Variants in PDLIM5 observed in about 807,000 individuals in gnomAD.
PDLIM5 encodes PDZ and LIM domain 5.
In PDLIM5, 34 loss-of-function variants were observed where a neutral mutation model predicts 64.2. The ratio of observed to expected loss-of-function variants is 0.53; its 90% confidence interval spans 0.40 to 0.71. PDLIM5 has a LOEUF of 0.71. Ranked by LOEUF, PDLIM5 falls within the 30% of genes least tolerant of loss-of-function variation. The probability of loss-of-function intolerance (pLI) is 0.00; values close to 1 mark genes in which losing one functional copy is unlikely to be tolerated. For missense variants in PDLIM5, 683 were observed against 733.6 expected, an observed-to-expected ratio of 0.93 and a Z score of 0.80; for synonymous variants, 253 against 269.1, an observed-to-expected ratio of 0.94 and a Z score of 0.59.
intron 3 of PDLIM5, among the ~76,000 whole-genome samples, chr4:94,550,171 T>C (rs918584170): frequency 6.6e-6 from 1 of 152,144 alleles, no homozygotes; most frequent in African/African-American, 2.4e-5. Flanking sequence ...GTTTGCTCAC[T>C]TTATAAGGTT....
intron 2 of PDLIM5, among the ~76,000 whole-genome samples, chr4:94,516,300 C>T (rs1729352883): frequency 6.6e-6 from 1 of 152,122 alleles, no homozygotes; most frequent in South Asian, 2.1e-4. Flanking sequence ...TCATTGCTAC[C>T]ATATAAGGTG....
intron 4 of PDLIM5, 123 bp downstream of exon 4, chr4:94,573,516 T>A: frequency 2.4e-6 from 2 of 848,758 alleles, no homozygotes; most frequent in Non-Finnish European, 4.1e-6. Context: ...ACAATTTTCC[T>A]TGTAGTTCTT....
At chr4:94,609,377 C>T (rs1157270751) in intron 7 of PDLIM5, among the ~76,000 whole-genome samples, 2 of 152,074 alleles carry the variant, frequency 1.3e-5, no homozygotes, top group African/African-American at 2.4e-5. Flanking sequence ...ATGTTCATTC[C>T]TGTCCAGGCA....
At position 94,453,544 on chromosome 4, in the gene PDLIM5, G is replaced by A. The variant is rs1229675670; in HGVS notation, c.-43+1549G>A. 2.0e-5 allele frequency among the ~76,000 whole-genome samples: 3 copies of A among 152,134 alleles called. No individual in the cohort carries two copies. In the East Asian group the frequency reaches 5.8e-4, roughly 29 times the overall value. On this transcript the variant is annotated intron_variant, in intron 1 of 12. Transcript: ENST00000317968. ...ATACATTTTCTTGTAGGGAAGAATGGGGCCAGAGGAAGTTGAGCCCAACTT... is the reference window on the plus strand; with the variant it reads ...ATACATTTTCTTGTAGGGAAGAATGAGGCCAGAGGAAGTTGAGCCCAACTT...
At chr4:94,610,261 A>C (rs937312635) in intron 7 of PDLIM5, 1 of 1,522,442 alleles carries the variant, frequency 6.6e-7, no homozygotes, top group Admixed American at 2.0e-5. Context: ...AGTTCTGAGC[A>C]GCGCAGCTGC....
At chr4:94,498,774 C>T (rs183773039) in intron 2 of PDLIM5, among the ~76,000 whole-genome samples, 3 of 152,280 alleles carry the variant, frequency 2.0e-5, no homozygotes, top group Admixed American at 6.5e-5. Context: ...TTTTTCTCCT[C>T]CTCTCACATT....
chr4:94,467,750 C>T (rs1724503350), intron 2 of PDLIM5, among the ~76,000 whole-genome samples: 1 of 152,168 alleles, frequency 6.6e-6, no homozygotes, highest in African/African-American at 2.4e-5. Context: ...ATGTGTCAGC[C>T]AGGATTTGTT....
intron 2 of PDLIM5, among the ~76,000 whole-genome samples, chr4:94,489,266 G>A (rs547054531): frequency 6.6e-6 from 1 of 152,274 alleles, no homozygotes; most frequent in South Asian, 2.1e-4. Context: ...GGAATACTTT[G>A]TCCCTGGTTC....
At chr4:94,506,450 G>T (rs1728406095) in intron 2 of PDLIM5, among the ~76,000 whole-genome samples, 1 of 152,156 alleles carries the variant, frequency 6.6e-6, no homozygotes, top group Admixed American at 6.5e-5. Flanking sequence ...GTCTCATGAA[G>T]GCTCACTTTG....
intron 8 of PDLIM5, among the ~76,000 whole-genome samples, chr4:94,630,370 T>C (rs1177150220): frequency 6.6e-6 from 1 of 152,072 alleles, no homozygotes; most frequent in Non-Finnish European, 1.5e-5. Context: ...CATTGATTGA[T>C]ATATATATGT....
In PDLIM5 at chr4:94,483,806, T is replaced by C. The variant is rs187791872; in HGVS notation, c.96+28422T>C. ...TTTAAAGTTAAAATTCATACTTGAT[T>C]ATCATTCTAATCTTCACATTTATGG... On this transcript the variant is annotated intron_variant, in intron 2 of 12. Transcript: ENST00000317968. 1.2e-4 allele frequency among the ~76,000 whole-genome samples: 18 copies of C among 152,332 alleles called. No homozygotes were observed. In the East Asian group the frequency reaches 3.5e-3, roughly 29 times the overall value.
chr4:94,455,881 A>G, intron 2 of PDLIM5: 1 of 1,402,526 alleles, frequency 7.1e-7, no homozygotes, highest in South Asian at 1.2e-5. Context: ...ACCCTTGAAG[A>G]GGAAATGAAG....
At chr4:94,660,777 T>A (rs1742634341) in intron 11 of PDLIM5, among the ~76,000 whole-genome samples, 1 of 152,076 alleles carries the variant, frequency 6.6e-6, no homozygotes, top group African/African-American at 2.4e-5. Flanking sequence ...CCTGCCTTCC[T>A]CTCCAGCTGA....
chr4:94,566,345 G>A (rs528849069), intron 3 of PDLIM5, among the ~76,000 whole-genome samples: 95 of 152,302 alleles, frequency 6.2e-4, no homozygotes, highest in African/African-American at 2.2e-3. Flanking sequence ...TACTCATTAA[G>A]TGATATTTTC....
At chr4:94,648,258 A>C (rs750678156) in intron 9 of PDLIM5, among the ~76,000 whole-genome samples, 8 of 152,168 alleles carry the variant, frequency 5.3e-5, no homozygotes, top group Non-Finnish European at 1.0e-4. Flanking sequence ...CATTGGCTAA[A>C]CTACCAAGAA....
chr4:94,547,405 G>C lies in PDLIM5; in HGVS notation c.248+23530G>C, dbSNP rs533939978. On this transcript the variant is annotated intron_variant, in intron 3 of 12. Transcript: ENST00000317968. ...GTCTTCAAAGGCAACAGTGACTAAG[G>C]GGTCTGTCTCACATCATATCATCCT... Among the ~76,000 whole-genome samples the C allele has an allele frequency of 3.9e-5, 6 of 152,192 alleles. No homozygotes were observed. In the East Asian group the frequency reaches 1.2e-3, roughly 29 times the overall value.
rs559682025 is a variant in PDLIM5, at chr4:94,657,146, C to T, written c.1465-281C>T. On this transcript the variant is annotated intron_variant, in intron 10 of 12. Coordinates refer to ENST00000317968, the MANE Select transcript of PDLIM5 (RefSeq NM_006457.5). ...GCATTTATGAAATGCTTACTTTATT[C>T]ACTGTACATATAATGTATAAATAAC... is the stretch of plus-strand genomic sequence containing the variant. 5.3e-5 allele frequency among the ~76,000 whole-genome samples: 8 copies of T among 152,220 alleles called. No individual in the cohort carries two copies. In the East Asian group the frequency reaches 1.4e-3, roughly 26 times the overall value.
In PDLIM5 at chr4:94,668,105, C is replaced by T. The variant is rs1413569132; in HGVS notation, c.*4038C>T. 2.0e-5 allele frequency: 3 copies of T among 152,044 alleles called. No homozygotes were observed. The highest frequency in any genetic ancestry group is 4.4e-5 in the Non-Finnish European group (3 of 68,010). The allele number at this position is 152,044 out of a possible 1,614,324, so 9.4% of individuals were successfully genotyped here. On this transcript the variant is annotated 3_prime_UTR_variant, in exon 13 of 13. Coordinates refer to ENST00000317968, the MANE Select transcript of PDLIM5 (RefSeq NM_006457.5). Reference sequence around the variant, plus strand: ...CTTCTGTCTCTTTAATTTTGTATATCTGCTGTTTTGCTTTTGGATACATTT... The same window carrying T: ...CTTCTGTCTCTTTAATTTTGTATATTTGCTGTTTTGCTTTTGGATACATTT...
chr4:94,608,254 G>T, intron 7 of PDLIM5: 1 of 983,242 alleles, frequency 1.0e-6, no homozygotes, highest in Non-Finnish European at 1.4e-6. Flanking sequence ...GTTTGAAAAA[G>T]AAAAAATGAT....
Sources: gnomAD v4.1 joint callset for allele counts (sites outside exome capture counted in the v4.1 genomes callset) on GRCh38, gnomAD v4.1.1 for gene constraint, MANE v1.5 for transcripts, NCBI Gene and HGNC (gene_info 2026-07-23, HGNC 2026-07-21) for gene names.